The following PTPRN2 variants were observed in gnomAD, a reference collection of about 807,000 sequenced individuals.
PTPRN2 encodes the protein protein tyrosine phosphatase receptor type N2, also known as receptor-type tyrosine-protein phosphatase N2.
Under a neutral mutation model 118.8 loss-of-function variants are expected in PTPRN2, and 74 were observed. The observed-to-expected ratio is 0.62, with a 90% CI of 0.52 to 0.76. The LOEUF is 0.76. PTPRN2 is among the 30% of genes least tolerant of loss of function. The pLI, the probability that PTPRN2 is intolerant of heterozygous loss-of-function variation, is 0.00. For missense variants in PTPRN2, 1,481 were observed against 1,394.4 expected (o/e 1.06, Z -0.99); for synonymous variants, 641 against 608.0 (o/e 1.05, Z -0.80).
At chr7:158,495,805 A>AC (rs1407839604) in intron 1 of PTPRN2, among the ~76,000 whole-genome samples, 1 of 151,822 alleles carries the variant, frequency 6.6e-6, no homozygotes, top group African/African-American at 2.4e-5. Flanking sequence ...GAGGACAGAG[A>AC]CCCCCAGACC....
Position 158,469,613 on chromosome 7 carries a change from G to C in PTPRN2, c.163+20122C>G, listed in dbSNP as rs78813123. Reference sequence around the variant, plus strand: ...GCTTGCCCAGCTCCACCGAGCACTCGCTCGAGAGCGTTTCTGTTCCTTGAA... The same window carrying C: ...GCTTGCCCAGCTCCACCGAGCACTCCCTCGAGAGCGTTTCTGTTCCTTGAA... On this transcript the variant is annotated intron_variant, in intron 2 of 22. Coordinates refer to ENST00000389418, the MANE Select transcript of PTPRN2 (RefSeq NM_002847.5). Among the ~76,000 whole-genome samples, 3 of 151,950 alleles carry C rather than the reference G, an allele frequency of 2.0e-5. No homozygotes were observed. In the South Asian group the frequency reaches 6.2e-4, roughly 32 times the overall value.
chr7:157,552,815 C>G (rs1481327229), intron 21 of PTPRN2, among the ~76,000 whole-genome samples: 2 of 152,192 alleles, frequency 1.3e-5, no homozygotes, highest in East Asian at 3.9e-4. Flanking sequence ...CGTGCCTATG[C>G]TGGGCCTGGC....
intron 2 of PTPRN2, among the ~76,000 whole-genome samples, chr7:158,401,625 A>C (rs116304509): frequency 6.6e-6 from 1 of 152,266 alleles, no homozygotes; most frequent in African/African-American, 2.4e-5. Flanking sequence ...GAGGAACTCA[A>C]AAAGGGAAAT....
intron 10 of PTPRN2, among the ~76,000 whole-genome samples, chr7:158,087,693 T>C (rs76864015): frequency 0.037 from 635 of 17,046 alleles, 35 homozygotes; most frequent in East Asian, 0.16. Context: ...ACAAACCTTC[T>C]TCCCCTGATG....
rs1809854043 is a variant in PTPRN2, at chr7:158,057,124, G to A, written c.1723+24174C>T. On this transcript the variant is annotated intron_variant, in intron 11 of 22. Transcript: ENST00000389418. ...TTCCGCTCAGCACCTGTGGACGCGG[G>A]AGCATCTATCATCAATCCTCTGCAA... is the stretch of plus-strand genomic sequence containing the variant. Among the ~76,000 whole-genome samples, 3 of 152,208 alleles carry A rather than the reference G, an allele frequency of 2.0e-5. 1 individual carries two copies. In the South Asian group the frequency reaches 6.2e-4, roughly 31 times the overall value.
chr7:157,951,908 C>T (rs1800836575), intron 11 of PTPRN2, among the ~76,000 whole-genome samples: 1 of 152,284 alleles, frequency 6.6e-6, no homozygotes, highest in African/African-American at 2.4e-5. Flanking sequence ...CCCCGCCTGT[C>T]TGGCCTGGGC....
intron 10 of PTPRN2, among the ~76,000 whole-genome samples, chr7:158,091,076 G>C (rs778964130): frequency 2.0e-5 from 3 of 152,182 alleles, no homozygotes; most frequent in Non-Finnish European, 2.9e-5. Context: ...TATTTGGTTG[G>C]GTTAGTCTGG....
intron 5 of PTPRN2, among the ~76,000 whole-genome samples, chr7:158,176,167 G>A (rs80207685): frequency 6.6e-6 from 1 of 152,202 alleles, no homozygotes; most frequent in African/African-American, 2.4e-5. Flanking sequence ...TACCTGGCAA[G>A]TGAAAAGCAC....
chr7:158,277,771 G>A (rs1406183506), intron 3 of PTPRN2, among the ~76,000 whole-genome samples: 1 of 152,220 alleles, frequency 6.6e-6, no homozygotes, highest in Non-Finnish European at 1.5e-5. Context: ...GGCCACCCTG[G>A]GAAAGAGGAG....
At chr7:158,232,636 CA>C (rs908280839) in intron 3 of PTPRN2, among the ~76,000 whole-genome samples, 7 of 150,070 alleles carry the variant, frequency 4.7e-5, no homozygotes, top group East Asian at 1.9e-4. Context: ...AAAGACAAGA[CA>C]AAAAAAAAGG....
At chr7:158,514,980 C>T (rs1023693929) in intron 1 of PTPRN2, among the ~76,000 whole-genome samples, 3 of 152,128 alleles carry the variant, frequency 2.0e-5, no homozygotes, top group Admixed American at 6.5e-5. Context: ...AAGAGGATTC[C>T]GTGACCACTC....
rs531517136 is a variant in PTPRN2 at position 157,639,185 on chromosome 7, C to T, written c.2196+17172G>A. On this transcript the variant is annotated intron_variant, in intron 14 of 22. Transcript: ENST00000389418. The stretch of plus-strand genomic sequence containing the variant: ...CTGAGTAGCTGGGATTATAGGCATG[C>T]GCCACCAAATCTAGCTAAGTTTTGT... Among the ~76,000 whole-genome samples, 29 of 152,042 alleles carry T rather than the reference C, an allele frequency of 1.9e-4. No individual in the cohort carries two copies. The South Asian group carries it at 3.1e-3, about 16-fold the overall frequency.
intron 3 of PTPRN2, among the ~76,000 whole-genome samples, chr7:158,278,512 G>A (rs1799190273): frequency 6.6e-6 from 1 of 152,164 alleles, no homozygotes; most frequent in Non-Finnish European, 1.5e-5. Flanking sequence ...CACCATTTGG[G>A]CAACAAACTG....
chr7:158,381,299 T>A (rs893658018), intron 2 of PTPRN2, among the ~76,000 whole-genome samples: 1 of 152,202 alleles, frequency 6.6e-6, no homozygotes, highest in Admixed American at 6.5e-5. Context: ...AGCACCCAAG[T>A]CACCTTTTGA....
chr7:158,080,907 C>A (rs958464458), intron 11 of PTPRN2, among the ~76,000 whole-genome samples: 1 of 152,168 alleles, frequency 6.6e-6, no homozygotes, highest in Non-Finnish European at 1.5e-5. Flanking sequence ...AAATGAAAAA[C>A]CTCAAAGCAA....
chr7:158,272,179 G>A (rs1224750725), intron 3 of PTPRN2, among the ~76,000 whole-genome samples: 1 of 152,132 alleles, frequency 6.6e-6, no homozygotes, highest in Non-Finnish European at 1.5e-5. Context: ...GGTCTAGAGT[G>A]AAGCCCATCT....
intron 14 of PTPRN2, among the ~76,000 whole-genome samples, chr7:157,633,322 T>C (rs1428482048): frequency 3.9e-5 from 6 of 152,138 alleles, no homozygotes. Context: ...TTTGTATTTT[T>C]AGTAGAGACA....
chr7:158,189,745 C>T (rs1019202283), intron 5 of PTPRN2, among the ~76,000 whole-genome samples: 3 of 152,206 alleles, frequency 2.0e-5, no homozygotes, highest in Non-Finnish European at 2.9e-5. Flanking sequence ...CGTCTGGGGA[C>T]GTGACGTCAC....
chr7:158,544,775 C>G lies in PTPRN2; in HGVS notation c.112+42783G>C, dbSNP rs1237034733. 6.6e-6 allele frequency among the ~76,000 whole-genome samples: 1 copy of G among 152,138 alleles called. No individual in the cohort carries two copies. Among genetic ancestry groups the G allele is most frequent in the Non-Finnish European group, 1.5e-5 (1 of 68,020 alleles). On this transcript the variant is annotated intron_variant, in intron 1 of 22. Coordinates refer to ENST00000389418, the MANE Select transcript of PTPRN2 (RefSeq NM_002847.5). The surrounding 1 kb of genome is among the most constrained non-coding windows in gnomAD (Gnocchi z 4.2). ...CGGGGATACCAAAAGATTGGGTGCC[C>G]CTGCTCTAGAGTGAACACAGAAGCA...
Sources: gnomAD v4.1 joint callset for allele counts (sites outside exome capture counted in the v4.1 genomes callset) on GRCh38, gnomAD v4.1.1 for gene constraint, Gnocchi (gnomAD v3.1) non-coding constraint, MANE v1.5 for transcripts, NCBI Gene and HGNC (gene_info 2026-07-23, HGNC 2026-07-21) for gene names.